EXOG: variants seen among roughly 807,000 people sequenced by gnomAD.
The protein encoded by EXOG is exo/endonuclease G.
EXOG carries 27 observed loss-of-function variants against 25.8 expected under a neutral mutation model. That is an observed-to-expected ratio of 1.05 (90% confidence interval 0.77 to 1.45). The LOEUF is 1.45. EXOG is among the 40% of genes most tolerant of loss of function. The probability of loss-of-function intolerance (pLI) is 0.00; values close to 1 mark genes in which losing one functional copy is unlikely to be tolerated. For synonymous variants in EXOG, 133 were observed against 167.0 expected, an observed-to-expected ratio of 0.80 and a Z score of 1.57; for missense variants, 458 against 450.5, an observed-to-expected ratio of 1.02 and a Z score of -0.15.
chr3:38,497,935 T>C (rs2125744816), intron 2 of EXOG, 157 bp downstream of exon 2: 1 of 951,198 alleles, frequency 1.1e-6, no homozygotes, highest in Non-Finnish European at 1.5e-6. Context: ...CAACCCTGCC[T>C]GGCAGCCAGA....
intron 3 of EXOG, among the ~76,000 whole-genome samples, chr3:38,501,708 C>G (rs1439481159): frequency 6.6e-6 from 1 of 152,160 alleles, no homozygotes; most frequent in East Asian, 1.9e-4. Context: ...GTGAAGGGAA[C>G]TAGAAAGCCA....
intron 5 of EXOG, among the ~76,000 whole-genome samples, chr3:38,517,967 T>A (rs1256249495): frequency 3.3e-5 from 5 of 152,216 alleles, no homozygotes; most frequent in Admixed American, 6.5e-5. Context: ...TCAGGTAGAA[T>A]TTTAAACCTA....
In EXOG at chr3:38,524,785, A is replaced by G; in HGVS notation, c.*423A>G. ...GCAGATGGAGGGCTGATCTTGTGTC[A>G]AGTTAACAGGAAGACTGCCCACAGA... On this transcript the variant is annotated 3_prime_UTR_variant, in exon 6 of 6. Coordinates refer to ENST00000287675, the MANE Select transcript of EXOG (RefSeq NM_005107.4). The G allele has an allele frequency of 1.0e-6, 1 of 989,788 alleles. No individual in the cohort carries two copies. Among genetic ancestry groups the G allele is most frequent in the South Asian group, 4.6e-5 (1 of 21,556 alleles). The allele number at this position is 989,788 out of a possible 1,614,324, so 61.3% of individuals were successfully genotyped here.
At chr3:38,498,837 G>C in intron 2 of EXOG, 1 of 436,352 alleles carries the variant, frequency 2.3e-6, no homozygotes. Context: ...AAGTAAGCAG[G>C]TGTGTCAGTT....
At chr3:38,516,094 A>C (rs762259061) in intron 5 of EXOG, among the ~76,000 whole-genome samples, 3 of 152,100 alleles carry the variant, frequency 2.0e-5, no homozygotes, top group Non-Finnish European at 1.5e-5. Flanking sequence ...CCAGAAGTTC[A>C]CGGTAGTTCT....
At chr3:38,521,237 G>C (rs994434417) in intron 5 of EXOG, among the ~76,000 whole-genome samples, 11 of 152,220 alleles carry the variant, frequency 7.2e-5, no homozygotes, top group African/African-American at 2.4e-4. Flanking sequence ...CCTTGAAATA[G>C]TGTGAGAAGG....
intron 5 of EXOG, among the ~76,000 whole-genome samples, chr3:38,521,966 G>A (rs1184185177): frequency 6.6e-6 from 1 of 152,186 alleles, no homozygotes; most frequent in Non-Finnish European, 1.5e-5. Flanking sequence ...CTTCCATAGG[G>A]TTCTCCCTCA....
intron 5 of EXOG, among the ~76,000 whole-genome samples, chr3:38,510,579 G>A (rs1294736215): frequency 6.6e-6 from 1 of 151,866 alleles, no homozygotes; most frequent in Non-Finnish European, 1.5e-5. Context: ...AGAACAAAAT[G>A]TTAACAATTG....
rs764626582 is a variant in EXOG, at chr3:38,501,408, A to T, written c.367A>T (p.Thr123Ser). 1 of 1,613,434 alleles carries T rather than the reference A, an allele frequency of 6.2e-7. No individual in the cohort carries two copies. Among genetic ancestry groups the T allele is most frequent in the Admixed American group, 1.7e-5 (1 of 60,020 alleles). The change falls in exon 3 of 6, where the codon ACC becomes TCC. Residue 123 changes from threonine to serine, a missense_variant. Transcript: ENST00000287675. ...KFKPDPNIPP[T>S]FSAFNEDYVG... is the part of the protein sequence containing the mutation. ...TAAGCCTGATCCCAATATCCCTCCA[A>T]CCTTCAGTGCCTTCAATGAAGATTA... is the stretch of plus-strand genomic sequence containing the variant.
intron 5 of EXOG, among the ~76,000 whole-genome samples, chr3:38,509,560 G>A (rs2060305725): frequency 1.3e-5 from 2 of 152,158 alleles, no homozygotes; most frequent in Admixed American, 1.3e-4. Context: ...TTTCTAAAAA[G>A]CATCTCCTGA....
At chr3:38,500,532 A>G (rs2060016293) in intron 2 of EXOG, among the ~76,000 whole-genome samples, 1 of 152,194 alleles carries the variant, frequency 6.6e-6, no homozygotes, top group South Asian at 2.1e-4. Context: ...TTGGGATCTG[A>G]TACTAAATTT....
chr3:38,524,777 C>A lies in EXOG; in HGVS notation c.*415C>A. On this transcript the variant is annotated 3_prime_UTR_variant, in exon 6 of 6. Coordinates refer to ENST00000287675, the MANE Select transcript of EXOG (RefSeq NM_005107.4). ...TGACACCTGCAGATGGAGGGCTGATCTTGTGTCAAGTTAACAGGAAGACTG... is the reference window on the plus strand; with the variant it reads ...TGACACCTGCAGATGGAGGGCTGATATTGTGTCAAGTTAACAGGAAGACTG... The A allele has an allele frequency of 1.0e-6, 1 of 989,922 alleles. No homozygotes were observed. The highest frequency in any genetic ancestry group is 1.2e-6 in the Non-Finnish European group (1 of 833,074). 61.3% of individuals were successfully genotyped at this position (989,922 alleles called of 1,614,324 possible).
chr3:38,501,609 CTT>C, intron 3 of EXOG, 115 bp downstream of exon 3: 1 of 811,478 alleles, frequency 1.2e-6, no homozygotes, highest in East Asian at 2.5e-5. Flanking sequence ...TTTCCATACT[CTT>C]ATTTTTCTTC....
At chr3:38,502,009 G>C (rs971826585) in intron 3 of EXOG, among the ~76,000 whole-genome samples, 1 of 151,650 alleles carries the variant, frequency 6.6e-6, no homozygotes, top group Non-Finnish European at 1.5e-5. Flanking sequence ...TGTAACCTCC[G>C]CCTCCCGGGT....
chr3:38,524,604 C>T lies in EXOG; in HGVS notation c.*242C>T, dbSNP rs1474552324. The T allele has an allele frequency of 1.7e-6, 2 of 1,194,938 alleles. No homozygotes were observed. Among genetic ancestry groups the T allele is most frequent in the East Asian group, 7.7e-5 (2 of 25,954 alleles). 74.0% of individuals were successfully genotyped at this position (1,194,938 alleles called of 1,614,324 possible). On this transcript the variant is annotated 3_prime_UTR_variant, in exon 6 of 6. Transcript: ENST00000287675. ...CTGAGCAGCTGGGACTACAGGCACA[C>T]ACCATCACCCTCAGCTACTAGTGGC...
intron 5 of EXOG, among the ~76,000 whole-genome samples, chr3:38,523,652 G>A (rs1267383947): frequency 1.3e-5 from 2 of 152,136 alleles, no homozygotes; most frequent in Non-Finnish European, 2.9e-5. Context: ...ACAGGTATGA[G>A]CCACCGTGCC....
At chr3:38,511,972 A>T (rs1164440506) in intron 5 of EXOG, among the ~76,000 whole-genome samples, 1 of 152,164 alleles carries the variant, frequency 6.6e-6, no homozygotes. Flanking sequence ...TGGTGCATGT[A>T]CTCATAAACC....
At chr3:38,508,131 G>A (rs1485944210) in intron 5 of EXOG, among the ~76,000 whole-genome samples, 1 of 151,442 alleles carries the variant, frequency 6.6e-6, no homozygotes, top group African/African-American at 2.4e-5. Flanking sequence ...ACTCCACCTC[G>A]AAAAAAATAA....
chr3:38,524,875 T>A lies in EXOG; in HGVS notation c.*513T>A. On this transcript the variant is annotated 3_prime_UTR_variant, in exon 6 of 6. Coordinates refer to ENST00000287675, the MANE Select transcript of EXOG (RefSeq NM_005107.4). The stretch of plus-strand genomic sequence containing the variant: ...GAAGGCATTTGTTTAGTTTCATGCC[T>A]CCAAACCATGCATTGTCTGTGATGT... 2.0e-6 allele frequency: 2 copies of A among 986,352 alleles called. No individual in the cohort carries two copies. The highest frequency in any genetic ancestry group is 2.4e-6 in the Non-Finnish European group (2 of 830,706). The allele number at this position is 986,352 out of a possible 1,614,324, so 61.1% of individuals were successfully genotyped here. A position where few individuals can be genotyped will look rare whatever the true frequency, so the allele number is the denominator to read the frequency against.
Sources: allele counts gnomAD v4.1 joint callset (sites outside exome capture counted in the v4.1 genomes callset), GRCh38; gene constraint gnomAD v4.1.1; transcripts MANE v1.5; gene names NCBI Gene and HGNC (gene_info 2026-07-23, HGNC 2026-07-21).